NBEA: variants seen among roughly 807,000 people sequenced by gnomAD.
NBEA encodes neurobeachin, also known as lysosomal-trafficking regulator 2.
NBEA carries 44 observed loss-of-function variants against 343.4 expected under a neutral mutation model. That is an observed-to-expected ratio of 0.13 (90% CI 0.10 to 0.16). The LOEUF (loss-of-function observed/expected upper bound fraction) is 0.16. Ranked by LOEUF, NBEA falls within the 10% of genes least tolerant of loss-of-function variation. The pLI, the probability that NBEA is intolerant of heterozygous loss-of-function variation, is 1.00. For synonymous variants in NBEA, 1,175 were observed against 1,238.7 expected (o/e 0.95, Z 1.08); for missense variants, 2,555 against 3,631.3 (o/e 0.70, Z 7.62).
intron 38 of NBEA, among the ~76,000 whole-genome samples, chr13:35,377,303 T>C (rs1471856422): frequency 2.0e-5 from 3 of 152,092 alleles, no homozygotes; most frequent in African/African-American, 7.2e-5. Context: ...TTGAACACTG[T>C]CTAGGGATTG....
chr13:35,581,090 G>A (rs1180909788), intron 45 of NBEA, among the ~76,000 whole-genome samples: 1 of 152,106 alleles, frequency 6.6e-6, no homozygotes, highest in Admixed American at 6.5e-5. Context: ...GCATATTCAC[G>A]ACAGAACAAA....
At chr13:35,351,432 AT>A (rs1353775592) in intron 37 of NBEA, among the ~76,000 whole-genome samples, 1 of 152,064 alleles carries the variant, frequency 6.6e-6, no homozygotes, top group East Asian at 1.9e-4. Context: ...AATACAAAAA[AT>A]GATCCATTGA....
chr13:35,560,566 A>G (rs1048179991), intron 44 of NBEA, among the ~76,000 whole-genome samples: 8 of 152,162 alleles, frequency 5.3e-5, no homozygotes, highest in Non-Finnish European at 1.2e-4. Flanking sequence ...TGGGATCAAC[A>G]TCTGTGGGGG....
intron 34 of NBEA, 86 bp downstream of exon 34, chr13:35,232,705 A>G (rs1022089424): frequency 3.8e-6 from 4 of 1,059,826 alleles, no homozygotes; most frequent in African/African-American, 1.7e-5. Flanking sequence ...AGGAATATAT[A>G]TTTCCAAAAG....
chr13:35,540,277 T>C (rs2078761526), intron 41 of NBEA, among the ~76,000 whole-genome samples: 1 of 152,004 alleles, frequency 6.6e-6, no homozygotes, highest in African/African-American at 2.4e-5. Context: ...CATATAAATA[T>C]AACTAGTTTA....
Position 35,171,442 on chromosome 13 carries a change from C to G in NBEA, c.4413C>G (p.Cys1471Trp). ...NMSSGGLMRQ[C>W]LRLVCCVAVR... ...CTTCTGGAGGTTTAATGCGACAGTG[C>G]CTAAGATTAGGTAAGTCTGTTAAAA... Residue 1471 changes from cysteine to tryptophan, a missense_variant, in exon 26 of 59, where the codon TGC (cysteine) becomes TGG (tryptophan). By Grantham distance (215) the Cys-to-Trp change is radical. Around this residue, in one of 21 missense-constraint regions of NBEA, gnomAD observed 168 missense variants for 193.0 expected, o/e 0.87. Transcript: ENST00000379939. The G allele has an allele frequency of 6.2e-7, 1 of 1,609,366 alleles. No homozygotes were observed. The highest frequency in any genetic ancestry group is 1.1e-5 in the South Asian group (1 of 90,580).
At chr13:35,165,085 A>G (rs754873038) in intron 24 of NBEA, 3 of 533,934 alleles carry the variant, frequency 5.6e-6, no homozygotes, top group Admixed American at 3.9e-5. Context: ...TGCTTCCCAT[A>G]TTACCCACGT....
chr13:35,159,802 C>T lies in NBEA; in HGVS notation c.3631C>T (p.His1211Tyr). The T allele has an allele frequency of 6.2e-7, 1 of 1,611,444 alleles. No homozygotes were observed. ...AATAGAAGAAAAAGAATTCAAAATC[C>T]ATACAACTTCAGATGGAATGAGCAG... ...SIIEEKEFKI[H>Y]TTSDGMSSIS... The change falls in exon 22 of 59, where the codon CAT (histidine) becomes TAT (tyrosine). Residue 1211 changes from histidine (H) to tyrosine (Y), a missense_variant. Physicochemically the swap from His to Tyr is moderately conservative, Grantham distance 83. Transcript: ENST00000379939.
intron 34 of NBEA, among the ~76,000 whole-genome samples, chr13:35,263,787 A>G (rs2033424600): frequency 6.6e-6 from 1 of 152,090 alleles, no homozygotes; most frequent in Non-Finnish European, 1.5e-5. Context: ...GAGATCTCAG[A>G]GGGAATTTTA....
At chr13:34,961,711 A>G (rs566759948) in intron 1 of NBEA, among the ~76,000 whole-genome samples, 2 of 152,170 alleles carry the variant, frequency 1.3e-5, no homozygotes, top group African/African-American at 2.4e-5. Context: ...TGTAAATTCT[A>G]TCATAGAAAT....
intron 10 of NBEA, among the ~76,000 whole-genome samples, chr13:35,084,534 C>T (rs879849288): frequency 1.1e-4 from 16 of 152,002 alleles, no homozygotes; most frequent in South Asian, 2.1e-4. Context: ...TTGAAACCAA[C>T]GAGGACAAAG....
chr13:35,113,041 C>G (rs1022449944), intron 13 of NBEA, among the ~76,000 whole-genome samples: 1 of 152,060 alleles, frequency 6.6e-6, no homozygotes, highest in Non-Finnish European at 1.5e-5. Context: ...TGTTGAGGAT[C>G]GTATGTTGTG....
At chr13:35,265,848 A>T (rs895157566) in intron 34 of NBEA, among the ~76,000 whole-genome samples, 3 of 151,986 alleles carry the variant, frequency 2.0e-5, no homozygotes, top group East Asian at 1.9e-4. Flanking sequence ...AAAAGCAAAG[A>T]CAAATGGGAT....
chr13:35,530,394 C>T (rs1262883804), intron 41 of NBEA, among the ~76,000 whole-genome samples: 1 of 152,042 alleles, frequency 6.6e-6, no homozygotes, highest in African/African-American at 2.4e-5. Flanking sequence ...TGGGGACAGC[C>T]GCCCCAGACA....
intron 38 of NBEA, among the ~76,000 whole-genome samples, chr13:35,430,408 A>G (rs981840808): frequency 6.6e-5 from 10 of 152,074 alleles, no homozygotes; most frequent in Admixed American, 2.6e-4. Context: ...TACTCTACTG[A>G]TTATTTCTTT....
At chr13:35,200,746 G>T (rs1050076368) in intron 31 of NBEA, among the ~76,000 whole-genome samples, 2 of 151,728 alleles carry the variant, frequency 1.3e-5, no homozygotes, top group African/African-American at 4.8e-5. Context: ...AATCTATTTT[G>T]TAAATAATAT....
At chr13:35,109,578 A>C (rs2066083082) in intron 12 of NBEA, 136 bp downstream of exon 12, 1 of 725,354 alleles carries the variant, frequency 1.4e-6, no homozygotes, top group Non-Finnish European at 2.0e-6. Flanking sequence ...TGTGTTAGGC[A>C]GTATCAGGAG....
In NBEA at chr13:35,392,475, G is replaced by GT. The variant is rs1254303170; in HGVS notation, c.6180-39786dup. On this transcript the variant is annotated intron_variant, in intron 38 of 58. Coordinates refer to ENST00000379939, the MANE Select transcript of NBEA (RefSeq NM_001385012.1). ...AGCCAGTATGTGTGTGTGTGGTTTT[G>GT]TTTTTTTTGTTTTTTTTTTTTGCCT... Among the ~76,000 whole-genome samples the GT allele has an allele frequency of 8.5e-4, 113 of 133,140 alleles. 1 individual carries two copies. Among genetic ancestry groups the GT allele is most frequent in the Admixed American group, 4.1e-3 (56 of 13,806 alleles). 87.3% of individuals were successfully genotyped at this position (133,140 alleles called of 152,430 possible).
intron 1 of NBEA, among the ~76,000 whole-genome samples, chr13:34,950,488 A>T (rs1300952063): frequency 1.3e-5 from 2 of 151,864 alleles, no homozygotes; most frequent in Non-Finnish European, 1.5e-5. Context: ...ATTCTAAATT[A>T]AAAAATATTT....
Sources: allele counts gnomAD v4.1 joint callset (sites outside exome capture counted in the v4.1 genomes callset), GRCh38; gene constraint gnomAD v4.1.1; regional missense constraint gnomAD v4.1.1; transcripts MANE v1.5; gene names NCBI Gene and HGNC (gene_info 2026-07-23, HGNC 2026-07-21).